GRID2: variants seen among roughly 807,000 people sequenced by gnomAD.
GRID2 encodes the protein glutamate ionotropic receptor delta type subunit 2.
GRID2 carries 33 observed loss-of-function variants against 114.8 expected under a neutral mutation model. That is an observed-to-expected ratio of 0.29 (90% CI 0.22 to 0.38). GRID2 has a LOEUF of 0.38. Ranked by LOEUF, GRID2 falls within the 10% of genes least tolerant of loss-of-function variation. The probability of loss-of-function intolerance (pLI) is 1.00; values close to 1 mark genes in which losing one functional copy is unlikely to be tolerated. For synonymous variants in GRID2, 505 were observed against 449.9 expected (o/e 1.12, Z -1.55); for missense variants, 1,184 against 1,257.7 (o/e 0.94, Z 0.89).
intron 4 of GRID2, among the ~76,000 whole-genome samples, chr4:93,118,293 T>C (rs1579039959): frequency 6.6e-6 from 1 of 152,308 alleles, no homozygotes; most frequent in South Asian, 2.1e-4. Context: ...ATTCAATTCT[T>C]CATATTTTCA....
chr4:93,303,806 C>T (rs1352589388), intron 8 of GRID2, among the ~76,000 whole-genome samples: 5 of 152,122 alleles, frequency 3.3e-5, no homozygotes, highest in Non-Finnish European at 7.4e-5. Context: ...TTAGATTACT[C>T]ATACATCTTA....
chr4:92,586,946 A>G (rs1728479692), intron 1 of GRID2, among the ~76,000 whole-genome samples: 1 of 152,004 alleles, frequency 6.6e-6, no homozygotes, highest in African/African-American at 2.4e-5. Context: ...TCCCCCCATA[A>G]AAGGAACAGA....
intron 2 of GRID2, among the ~76,000 whole-genome samples, chr4:92,607,057 C>A (rs1378668446): frequency 6.6e-6 from 1 of 151,922 alleles, no homozygotes; most frequent in Non-Finnish European, 1.5e-5. Flanking sequence ...CTCCAAATTG[C>A]CAATACACAG....
intron 9 of GRID2, among the ~76,000 whole-genome samples, chr4:93,414,817 G>A (rs2149357783): frequency 6.6e-6 from 1 of 151,524 alleles, no homozygotes; most frequent in South Asian, 2.1e-4. Context: ...TGTGTGCCTG[G>A]CATTAACACT....
intron 2 of GRID2, among the ~76,000 whole-genome samples, chr4:92,840,472 T>G (rs1468965987): frequency 6.6e-6 from 1 of 152,052 alleles, no homozygotes; most frequent in Non-Finnish European, 1.5e-5. Flanking sequence ...GTGTCTTTTT[T>G]TTTAAACATA....
chr4:92,504,384 A>G (rs1723843876), intron 1 of GRID2, among the ~76,000 whole-genome samples: 1 of 152,018 alleles, frequency 6.6e-6, no homozygotes, highest in South Asian at 2.1e-4. Flanking sequence ...GCAAGTTGGA[A>G]AATAGGATTC....
rs28448418 is a variant in GRID2 at position 92,330,251 on chromosome 4, T to C, written c.88+25507T>C. ...ATATATTCTCACACCCTCCGTTTTT[T>C]AGTCAAAAACCTCTCCCTGAATATC... On this transcript the variant is annotated intron_variant, in intron 1 of 15. Coordinates refer to ENST00000282020, the MANE Select transcript of GRID2 (RefSeq NM_001510.4). Among the ~76,000 whole-genome samples, 861 of 152,284 alleles carry C rather than the reference T, an allele frequency of 5.7e-3. 9 individuals carry two copies. The highest frequency in any genetic ancestry group is 0.02 in the African/African-American group (820 of 41,570).
chr4:93,301,203 A>G (rs1754837222), intron 8 of GRID2, among the ~76,000 whole-genome samples: 1 of 152,242 alleles, frequency 6.6e-6, no homozygotes. Context: ...AAACGTTATC[A>G]TTTTAAGAAG....
At chr4:93,698,227 T>C (rs1213984271) in intron 14 of GRID2, among the ~76,000 whole-genome samples, 1 of 152,042 alleles carries the variant, frequency 6.6e-6, no homozygotes, top group Non-Finnish European at 1.5e-5. Context: ...TGTTTTATTC[T>C]GTTAAATCAG....
chr4:92,846,407 T>G (rs1743330105), intron 2 of GRID2, among the ~76,000 whole-genome samples: 1 of 152,124 alleles, frequency 6.6e-6, no homozygotes, highest in Admixed American at 6.6e-5. Context: ...CTTTTGTAAG[T>G]GAGAACATGA....
At chr4:93,607,940 A>T (rs932687357) in intron 13 of GRID2, among the ~76,000 whole-genome samples, 2 of 151,348 alleles carry the variant, frequency 1.3e-5, no homozygotes, top group South Asian at 4.1e-4. Context: ...CCATGTTCCA[A>T]TTTTTTCCAA....
At chr4:92,415,548 A>G (rs1456592075) in intron 1 of GRID2, among the ~76,000 whole-genome samples, 1 of 151,474 alleles carries the variant, frequency 6.6e-6, no homozygotes, top group East Asian at 2.0e-4. Flanking sequence ...GCTCTTGCTT[A>G]TAAGTGAGAA....
At chr4:93,068,921 C>A (rs1305985434) in intron 2 of GRID2, among the ~76,000 whole-genome samples, 3 of 151,960 alleles carry the variant, frequency 2.0e-5, no homozygotes, top group African/African-American at 7.2e-5. Context: ...TTGGCTTCTA[C>A]TTGGCTTCTG....
At chr4:93,657,225 C>T (rs1338826581) in intron 14 of GRID2, among the ~76,000 whole-genome samples, 1 of 152,110 alleles carries the variant, frequency 6.6e-6, no homozygotes, top group Non-Finnish European at 1.5e-5. Flanking sequence ...ATCTCTGCTT[C>T]TACTTCTTAA....
At chr4:92,643,180 T>C (rs1579748552) in intron 2 of GRID2, among the ~76,000 whole-genome samples, 1 of 151,768 alleles carries the variant, frequency 6.6e-6, no homozygotes, top group East Asian at 1.9e-4. Flanking sequence ...AATATGTACA[T>C]TGCTTTGGGC....
chr4:93,806,724 C>T (rs969794000), exon 2 of GRID2: 2 of 152,234 alleles, frequency 1.3e-5, no homozygotes, highest in Non-Finnish European at 2.9e-5. Flanking sequence ...GGCTTCATCC[C>T]TGCAGAATGA....
intron 4 of GRID2, among the ~76,000 whole-genome samples, chr4:93,155,877 A>G (rs941753614): frequency 1.3e-5 from 2 of 151,812 alleles, no homozygotes; most frequent in African/African-American, 4.8e-5. Context: ...AAATAAAGTT[A>G]GATAGAATGA....
At chr4:92,472,331 C>A (rs930062670) in intron 1 of GRID2, among the ~76,000 whole-genome samples, 4 of 152,082 alleles carry the variant, frequency 2.6e-5, no homozygotes, top group Non-Finnish European at 5.9e-5. Context: ...TCCACTCACA[C>A]GTTGATGGAC....
At chr4:93,157,201 T>G (rs1183745299) in intron 4 of GRID2, among the ~76,000 whole-genome samples, 1 of 151,676 alleles carries the variant, frequency 6.6e-6, no homozygotes, top group Non-Finnish European at 1.5e-5. Context: ...AAATTCCTGC[T>G]TCATACTCAG....
Sources: allele counts gnomAD v4.1 joint callset (sites outside exome capture counted in the v4.1 genomes callset), GRCh38; gene constraint gnomAD v4.1.1; transcripts MANE v1.5; gene names NCBI Gene and HGNC (gene_info 2026-07-23, HGNC 2026-07-21).